ACSF3: variants seen among roughly 807,000 people sequenced by gnomAD.
ACSF3 encodes the protein malonate--CoA ligase ACSF3, mitochondrial.
A neutral mutation model predicts 53.2 loss-of-function variants in ACSF3; 78 were observed. The ratio of observed to expected loss-of-function variants is 1.47; its 90% CI spans 1.22 to 1.77. The LOEUF (loss-of-function observed/expected upper bound fraction) is 1.77. Among genes scored for constraint, ACSF3 ranks in the 40% most tolerant of loss-of-function variants. The pLI, the probability that ACSF3 is intolerant of heterozygous loss-of-function variation, is 0.00. For missense variants in ACSF3, 937 were observed against 771.1 expected, an observed-to-expected ratio of 1.22 and a Z score of -2.55; for synonymous variants, 414 against 333.1, an observed-to-expected ratio of 1.24 and a Z score of -2.65.
At chr16:89,119,534 A>T (rs1385258020) in intron 6 of ACSF3, among the ~76,000 whole-genome samples, 1 of 152,182 alleles carries the variant, frequency 6.6e-6, no homozygotes, top group African/African-American at 2.4e-5. Flanking sequence ...GTCATGTGTT[A>T]TGCGGGTTTC....
intron 10 of ACSF3, chr16:89,150,816 C>CTGAG: frequency 2.4e-6 from 1 of 410,980 alleles, no homozygotes; most frequent in Admixed American, 3.6e-5. Context: ...CCCTGCAGCC[C>CTGAG]TGAGTCCTGC....
intron 2 of ACSF3, among the ~76,000 whole-genome samples, chr16:89,099,201 G>A (rs1974969747): frequency 6.6e-6 from 1 of 152,272 alleles, no homozygotes; most frequent in African/African-American, 2.4e-5. Flanking sequence ...CTGGGGCGGT[G>A]TCCCGTGGGC....
chr16:89,111,644 A>G (rs1207745928), intron 4 of ACSF3, among the ~76,000 whole-genome samples: 1 of 152,246 alleles, frequency 6.6e-6, no homozygotes, highest in Non-Finnish European at 1.5e-5. Context: ...AATGTTTATT[A>G]TGGAGTAAAA....
At chr16:89,120,077 C>T (rs760666149) in intron 6 of ACSF3, among the ~76,000 whole-genome samples, 3 of 152,262 alleles carry the variant, frequency 2.0e-5, no homozygotes, top group Non-Finnish European at 4.4e-5. Context: ...GCCGTCCCAC[C>T]AGCAACCTAA....
Position 89,154,179 on chromosome 16 carries a change from C to A in ACSF3, c.1703C>A (p.Ala568Glu), listed in dbSNP as rs142633119. The change falls in exon 11 of 11, where the codon GCG (alanine) becomes GAG (glutamate). Residue 568 changes from alanine to glutamate, a missense_variant. Physicochemically the swap from Ala to Glu is moderately radical, Grantham distance 107 (BLOSUM62 -1). Transcript: ENST00000614302. ...CAGATGGGCAAGATTGACAAGAAGGCGCTCATCAGGCACTTCCACCCCTCA... is the reference window on the plus strand; with the variant it reads ...CAGATGGGCAAGATTGACAAGAAGGAGCTCATCAGGCACTTCCACCCCTCA... ...RNQMGKIDKKALIRHFHPS is the reference protein window; with the variant it reads ...RNQMGKIDKKELIRHFHPS The A allele has an allele frequency of 3.1e-6, 5 of 1,613,570 alleles. No individual in the cohort carries two copies. In the Admixed American group the frequency reaches 8.3e-5, roughly 27 times the overall value.
intron 10 of ACSF3, chr16:89,150,895 A>G: frequency 1.1e-6 from 1 of 937,766 alleles, no homozygotes; most frequent in Non-Finnish European, 1.4e-6. Flanking sequence ...AAGAACAGGA[A>G]GGGAGGCAGG....
At position 89,101,079 on chromosome 16, in the gene ACSF3, A is replaced by C; in HGVS notation, c.398A>C (p.Gln133Pro). 8 of 1,614,080 alleles carry C rather than the reference A, an allele frequency of 5.0e-6. No homozygotes were observed. The highest frequency in any genetic ancestry group is 6.8e-6 in the Non-Finnish European group (8 of 1,180,006). ...VPLYRKHPAA[Q>P]LEYVICDSQS... ...CTCTACAGGAAGCATCCCGCGGCCC[A>C]GCTGGAGTATGTCATCTGCGACTCC... is the stretch of plus-strand genomic sequence containing the variant. Residue 133 changes from glutamine to proline, a missense_variant, in exon 3 of 11, where the codon CAG (glutamine) becomes CCG (proline). By Grantham distance (76) the Gln-to-Pro change is moderately conservative. Coordinates refer to ENST00000614302, the MANE Select transcript of ACSF3 (RefSeq NM_001243279.3).
At position 89,114,445 on chromosome 16, in the gene ACSF3, A is replaced by T. The variant is rs560149696; in HGVS notation, c.1084A>T (p.Met362Leu). 1.9e-5 allele frequency: 30 copies of T among 1,613,478 alleles called. No individual in the cohort carries two copies. The East Asian group carries it at 5.1e-4, about 28-fold the overall frequency. Residue 362 changes from methionine to leucine, a missense_variant, in exon 6 of 11, where the codon ATG becomes TTG. By Grantham distance (15) the Met-to-Leu change is conservative. Transcript: ENST00000614302. ...LERYGMTEIGMALSGPLTTAV... is the reference protein window; with the variant it reads ...LERYGMTEIGLALSGPLTTAV... The stretch of plus-strand genomic sequence containing the variant: ...GCGGTATGGCATGACCGAGATCGGC[A>T]TGGCTCTGTCCGGGCCCCTGACCAC...
intron 7 of ACSF3, among the ~76,000 whole-genome samples, chr16:89,122,992 G>A (rs1235011527): frequency 2.0e-5 from 3 of 152,222 alleles, no homozygotes; most frequent in East Asian, 1.9e-4. Flanking sequence ...GGGCCTCTGC[G>A]ACAGGCATGC....
chr16:89,106,202 C>G (rs992150750), intron 4 of ACSF3, among the ~76,000 whole-genome samples: 12 of 152,192 alleles, frequency 7.9e-5, no homozygotes, highest in Admixed American at 2.0e-4. Context: ...CACGGGAAAG[C>G]CTCAGACCTT....
rs1439976060 is a variant in ACSF3 at position 89,101,193 on chromosome 16, C to T, written c.512C>T (p.Thr171Ile). The change falls in exon 3 of 11, where the codon ACA (threonine) becomes ATA (isoleucine). Residue 171 changes from threonine to isoleucine, a missense_variant. Transcript: ENST00000614302. ...CTGGGGGTCCCGCTGCTGCCGCTCA[C>T]ACCAGCCATCTACACTGGAGCAGTA... is the stretch of plus-strand genomic sequence containing the variant. ...RKLGVPLLPLTPAIYTGAVEE... is the reference protein window; with the variant it reads ...RKLGVPLLPLIPAIYTGAVEE... The T allele has an allele frequency of 6.2e-7, 1 of 1,608,898 alleles. No homozygotes were observed. The highest frequency in any genetic ancestry group is 1.1e-5 in the South Asian group (1 of 90,642).
At position 89,101,200 on chromosome 16, in the gene ACSF3, C is replaced by T; in HGVS notation, c.519C>T (p.Ala173=). ...LGVPLLPLTP[A]IYTGAVEEPA... is the part of the protein sequence containing the mutation. ...TCCCGCTGCTGCCGCTCACACCAGC[C>T]ATCTACACTGGAGCAGTAGAGGAAC... The change falls in exon 3 of 11, where the codon GCC becomes GCT. Residue 173 remains alanine (A), a synonymous_variant. Transcript: ENST00000614302. 1 of 1,595,420 alleles carries T rather than the reference C, an allele frequency of 6.3e-7. No individual in the cohort carries two copies. Among genetic ancestry groups the T allele is most frequent in the Non-Finnish European group, 8.5e-7 (1 of 1,171,550 alleles).
chr16:89,141,136 C>T (rs561826626), intron 8 of ACSF3: 8 of 1,287,124 alleles, frequency 6.2e-6, no homozygotes, highest in East Asian at 5.5e-5. Context: ...CCTCCTCCCG[C>T]GGGGTGTCCG....
chr16:89,103,008 G>A (rs932909088), intron 4 of ACSF3, among the ~76,000 whole-genome samples: 6 of 152,196 alleles, frequency 3.9e-5, no homozygotes, highest in African/African-American at 1.2e-4. Flanking sequence ...CTATACATAC[G>A]TACCTATGAT....
Position 89,108,737 on chromosome 16 carries a change from C to T in ACSF3, c.823-3355C>T, listed in dbSNP as rs371368645. Among the ~76,000 whole-genome samples, 4 of 152,300 alleles carry T rather than the reference C, an allele frequency of 2.6e-5. No homozygotes were observed. In the East Asian group the frequency reaches 7.7e-4, roughly 29 times the overall value. On this transcript the variant is annotated intron_variant, in intron 4 of 10. Coordinates refer to ENST00000614302, the MANE Select transcript of ACSF3 (RefSeq NM_001243279.3). ...ATTAATAACTTGTTCCTGAATAGTACTTCATCATATGGATATACCACATTT... is the reference window on the plus strand; with the variant it reads ...ATTAATAACTTGTTCCTGAATAGTATTTCATCATATGGATATACCACATTT...
At chr16:89,102,197 G>A (rs764494154) in intron 3 of ACSF3, among the ~76,000 whole-genome samples, 53 of 152,222 alleles carry the variant, frequency 3.5e-4, no homozygotes, top group Non-Finnish European at 5.6e-4. Flanking sequence ...TTCACGAATC[G>A]GCAGAGCTCT....
chr16:89,149,268 C>G (rs1250322127), intron 10 of ACSF3: 1 of 152,230 alleles, frequency 6.6e-6, no homozygotes, highest in South Asian at 2.1e-4. Flanking sequence ...CCAAATCGTT[C>G]CAGCCTCTGC....
At chr16:89,098,511 C>G (rs762477678) in intron 1 of ACSF3, 80 bp from the exon 2 acceptor site, 4 of 376,274 alleles carry the variant, frequency 1.1e-5, no homozygotes, top group Non-Finnish European at 2.1e-5. Context: ...CTTCCCTTCC[C>G]CCATTGAGTG....
chr16:89,104,152 G>A (rs576582264), intron 4 of ACSF3, among the ~76,000 whole-genome samples: 1 of 152,356 alleles, frequency 6.6e-6, no homozygotes, highest in African/African-American at 2.4e-5. Context: ...CACAGGTGTG[G>A]TGAAGCAGAG....
Sources: gnomAD v4.1 joint callset for allele counts (sites outside exome capture counted in the v4.1 genomes callset) on GRCh38, gnomAD v4.1.1 for gene constraint, MANE v1.5 for transcripts, NCBI Gene and HGNC (gene_info 2026-07-23, HGNC 2026-07-21) for gene names.